The following ELP4 variants were observed in gnomAD, a reference collection of about 807,000 sequenced individuals.
ELP4 encodes the protein elongator acetyltransferase complex subunit 4.
In ELP4, 51 loss-of-function variants were observed where a neutral mutation model predicts 48.9. The ratio of observed to expected loss-of-function variants is 1.04; its 90% confidence interval spans 0.83 to 1.32. The LOEUF is 1.32. Among genes scored for constraint, ELP4 ranks in the 40% most tolerant of loss-of-function variants. ELP4 has a pLI of 0.00. For missense variants in ELP4, 519 were observed against 514.6 expected, an observed-to-expected ratio of 1.01 and a Z score of -0.08; for synonymous variants, 210 against 189.2, an observed-to-expected ratio of 1.11 and a Z score of -0.90.
chr11:31,711,811 C>A (rs1184242315), intron 9 of ELP4, among the ~76,000 whole-genome samples: 1 of 151,844 alleles, frequency 6.6e-6, no homozygotes, highest in East Asian at 1.9e-4. Flanking sequence ...AAAAAATTAC[C>A]TAATGAATTA....
chr11:31,569,225 T>C (rs372922927), intron 3 of ELP4, among the ~76,000 whole-genome samples: 3 of 152,082 alleles, frequency 2.0e-5, no homozygotes, highest in African/African-American at 7.2e-5. Flanking sequence ...CTCAAAAGCA[T>C]TTGCAACAAA....
chr11:31,744,033 G>C (rs1436369707), intron 9 of ELP4, among the ~76,000 whole-genome samples: 2 of 151,992 alleles, frequency 1.3e-5, no homozygotes, highest in Admixed American at 6.6e-5. Context: ...GAATCAAATA[G>C]ACGCAATAAA....
intron 3 of ELP4, among the ~76,000 whole-genome samples, chr11:31,548,930 C>T (rs1364582850): frequency 9.2e-5 from 14 of 152,006 alleles, no homozygotes. Flanking sequence ...ACTGGCTAGC[C>T]ATATGTAGAA....
intron 3 of ELP4, among the ~76,000 whole-genome samples, chr11:31,580,347 G>A (rs918342807): frequency 6.6e-6 from 1 of 152,142 alleles, no homozygotes; most frequent in East Asian, 1.9e-4. Context: ...ATAGGAGGTT[G>A]TTTTCTAAAG....
intron 3 of ELP4, among the ~76,000 whole-genome samples, chr11:31,568,593 G>A (rs539671560): frequency 1.3e-5 from 2 of 152,124 alleles, no homozygotes; most frequent in South Asian, 4.1e-4. Context: ...AAAGACCAAT[G>A]GAACAGAAAA....
In ELP4 at chr11:31,560,690, T is replaced by TTA. The variant is rs1227463479; in HGVS notation, c.381+20918_381+20919dup. On this transcript the variant is annotated intron_variant, in intron 3 of 9. Coordinates refer to ENST00000640961, the MANE Select transcript of ELP4 (RefSeq NM_019040.5). Reference sequence around the variant, plus strand: ...TTTCTATTATAAAGACCACATTGTTTTATATATATATAAAACAACGTTGTT... The same window carrying TTA: ...TTTCTATTATAAAGACCACATTGTTTTATATATATATATAAAACAACGTTGTT... Among the ~76,000 whole-genome samples, 6 of 147,524 alleles carry TTA rather than the reference T, an allele frequency of 4.1e-5. No individual in the cohort carries two copies. The South Asian group carries it at 6.4e-4, about 16-fold the overall frequency.
intron 2 of ELP4, among the ~76,000 whole-genome samples, chr11:31,531,769 A>G (rs1956400059): frequency 1.3e-5 from 2 of 152,150 alleles, no homozygotes; most frequent in Non-Finnish European, 2.9e-5. Context: ...GAGTGACAAG[A>G]TTAGATTTGC....
chr11:31,564,640 G>A (rs1278192855), intron 3 of ELP4, among the ~76,000 whole-genome samples: 1 of 152,036 alleles, frequency 6.6e-6, no homozygotes. Flanking sequence ...TTGGCTTTTT[G>A]TCCCTACGAT....
At chr11:31,781,785 G>A (rs1044102624) in intron 9 of ELP4, among the ~76,000 whole-genome samples, 1 of 151,962 alleles carries the variant, frequency 6.6e-6, no homozygotes, top group African/African-American at 2.4e-5. Context: ...AAATGAGCCA[G>A]TGTGCCTGGC....
intron 3 of ELP4, among the ~76,000 whole-genome samples, chr11:31,564,378 C>CT (rs869248857): frequency 0.036 from 4,969 of 137,986 alleles, 248 homozygotes; most frequent in African/African-American, 0.12. Context: ...GATTCATTTT[C>CT]TTTTTTTTTT....
At chr11:31,672,093 C>T (rs1657337165) in intron 9 of ELP4, among the ~76,000 whole-genome samples, 1 of 152,110 alleles carries the variant, frequency 6.6e-6, no homozygotes. Context: ...AAATAGTCTG[C>T]TCTTCAACCC....
intron 9 of ELP4, among the ~76,000 whole-genome samples, chr11:31,754,764 C>T (rs1255532148): frequency 1.3e-5 from 2 of 152,074 alleles, no homozygotes; most frequent in African/African-American, 4.8e-5. Context: ...CCCAGCTACT[C>T]AGGAGGGTGA....
chr11:31,703,765 T>C (rs1406782283), intron 9 of ELP4, among the ~76,000 whole-genome samples: 1 of 152,210 alleles, frequency 6.6e-6, no homozygotes, highest in East Asian at 1.9e-4. Flanking sequence ...AAGTGTTTCC[T>C]GATTGAAAAA....
chr11:31,523,240 T>C (rs141655282), intron 2 of ELP4, among the ~76,000 whole-genome samples: 306 of 152,218 alleles, frequency 2.0e-3, no homozygotes, highest in African/African-American at 7.0e-3. Flanking sequence ...CACTTGAAGA[T>C]ATGGAAGCAT....
intron 3 of ELP4, among the ~76,000 whole-genome samples, chr11:31,545,448 GAAAC>G (rs936049368): frequency 9.9e-5 from 15 of 152,036 alleles, no homozygotes; most frequent in Admixed American, 7.2e-4. Context: ...AGAATAAAAA[GAAAC>G]AAACAAAGCC....
chr11:31,701,916 G>T (rs1946531310), intron 9 of ELP4, among the ~76,000 whole-genome samples: 1 of 151,854 alleles, frequency 6.6e-6, no homozygotes, highest in Non-Finnish European at 1.5e-5. Flanking sequence ...CATAACTTTA[G>T]TGTTTATATA....
rs573862023 is a variant in ELP4, at chr11:31,749,942, G to A, written c.1144-33451G>A. Among the ~76,000 whole-genome samples the A allele has an allele frequency of 2.1e-3, 323 of 150,248 alleles. 1 individual carries two copies. Among genetic ancestry groups the A allele is most frequent in the South Asian group, 2.3e-3 (11 of 4,742 alleles). ...GTGATCTCGGCTCACTGCAAGCTCC[G>A]CCTCCCAGGTTCACGCCATTCTCCT... On this transcript the variant is annotated intron_variant, in intron 9 of 9. Transcript: ENST00000640961.
intron 9 of ELP4, among the ~76,000 whole-genome samples, chr11:31,755,142 A>G (rs1015147535): frequency 6.6e-6 from 1 of 152,224 alleles, no homozygotes; most frequent in Non-Finnish European, 1.5e-5. Context: ...GCTCCTAATG[A>G]CCAAAGATAA....
At chr11:31,544,431 G>C (rs1281116027) in intron 3 of ELP4, among the ~76,000 whole-genome samples, 1 of 152,202 alleles carries the variant, frequency 6.6e-6, no homozygotes, top group Non-Finnish European at 1.5e-5. Context: ...ACTGCAAGGC[G>C]GCAGTGAGGC....
Sources: allele counts gnomAD v4.1 joint callset (sites outside exome capture counted in the v4.1 genomes callset), GRCh38; gene constraint gnomAD v4.1.1; transcripts MANE v1.5; gene names NCBI Gene and HGNC (gene_info 2026-07-23, HGNC 2026-07-21).